CNOT6L: variants seen among roughly 807,000 people sequenced by gnomAD.
The protein encoded by CNOT6L is CCR4-NOT transcription complex subunit 6 like.
A neutral mutation model predicts 64.0 loss-of-function variants in CNOT6L; 7 were observed. The ratio of observed to expected loss-of-function variants is 0.11; its 90% confidence interval spans 0.06 to 0.21. The LOEUF is 0.21. CNOT6L is among the 10% of genes least tolerant of loss of function. The probability of loss-of-function intolerance (pLI) is 1.00; values close to 1 mark genes in which losing one functional copy is unlikely to be tolerated. For missense variants in CNOT6L, 245 were observed against 669.0 expected, an observed-to-expected ratio of 0.37 and a Z score of 6.99; for synonymous variants, 193 against 243.4, an observed-to-expected ratio of 0.79 and a Z score of 1.93.
chr4:77,781,169 A>T (rs1228675133), intron 1 of CNOT6L, among the ~76,000 whole-genome samples: 1 of 151,970 alleles, frequency 6.6e-6, no homozygotes. Context: ...ATCACACACC[A>T]GGGCCTGTCA....
chr4:77,770,249 T>C (rs1488699924), intron 4 of CNOT6L, among the ~76,000 whole-genome samples: 1 of 152,104 alleles, frequency 6.6e-6, no homozygotes, highest in Non-Finnish European at 1.5e-5. Context: ...GAAAAGGATA[T>C]AGAGAAAAAA....
chr4:77,783,543 G>A (rs140990254), intron 1 of CNOT6L, among the ~76,000 whole-genome samples: 2 of 152,166 alleles, frequency 1.3e-5, no homozygotes, highest in African/African-American at 4.8e-5. Flanking sequence ...ACAACTAAAG[G>A]GAAAATAAAA....
rs1399904658 is a variant in CNOT6L at position 77,719,376 on chromosome 4, C to G, written c.*1055G>C. On this transcript the variant is annotated 3_prime_UTR_variant, in exon 12 of 12. Transcript: ENST00000504123. ...AACTACTGCCCCAAATTTGTTCTCT[C>G]TCCCAAATCCTTTGCACTGTCATCT... is the stretch of plus-strand genomic sequence containing the variant. The G allele has an allele frequency of 1.3e-5, 2 of 152,644 alleles. No homozygotes were observed. Among genetic ancestry groups the G allele is most frequent in the Non-Finnish European group, 2.9e-5 (2 of 68,040 alleles). 9.5% of individuals were successfully genotyped at this position (152,644 alleles called of 1,614,324 possible).
chr4:77,782,641 C>CT (rs3048223), intron 1 of CNOT6L, among the ~76,000 whole-genome samples: 2,038 of 141,238 alleles, frequency 0.014, 31 homozygotes, highest in African/African-American at 0.036. Context: ...AGTGCCTAGC[C>CT]TTTTTTTTTT....
intron 1 of CNOT6L, among the ~76,000 whole-genome samples, chr4:77,778,983 C>A (rs1269449089): frequency 6.8e-6 from 1 of 146,102 alleles, no homozygotes; most frequent in Admixed American, 6.9e-5. Flanking sequence ...GAAGGCGGAG[C>A]CTGCAGTGGG....
chr4:77,799,024 C>T (rs1731194784), intron 1 of CNOT6L, among the ~76,000 whole-genome samples: 1 of 152,094 alleles, frequency 6.6e-6, no homozygotes, highest in Non-Finnish European at 1.5e-5. Flanking sequence ...ATGACCCAGA[C>T]ATTCCACTCC....
rs796165992 is a variant in CNOT6L, at chr4:77,760,725, A to ATT, written c.401-3776_401-3775dup. ...CAAAAAGACAGTAAAAGGAAAGGAA[A>ATT]TTTTTTTTTTTTTCAGACTGGAGTG... On this transcript the variant is annotated intron_variant, in intron 4 of 11. Coordinates refer to ENST00000504123, the MANE Select transcript of CNOT6L (RefSeq NM_144571.3). Among the ~76,000 whole-genome samples the ATT allele has an allele frequency of 6.0e-4, 87 of 145,850 alleles. 1 individual carries two copies. The highest frequency in any genetic ancestry group is 1.9e-3 in the African/African-American group (78 of 40,020).
chr4:77,811,272 G>A (rs765276377), intron 1 of CNOT6L, among the ~76,000 whole-genome samples: 12 of 152,260 alleles, frequency 7.9e-5, no homozygotes, highest in Admixed American at 1.3e-4. Flanking sequence ...AGAAAGGGTC[G>A]GGCGCGGTGG....
At chr4:77,806,186 G>C (rs149676242) in intron 1 of CNOT6L, among the ~76,000 whole-genome samples, 5 of 152,258 alleles carry the variant, frequency 3.3e-5, no homozygotes, top group Non-Finnish European at 7.4e-5. Flanking sequence ...AGCACTTTGG[G>C]AGGCTGAGGC....
intron 1 of CNOT6L, among the ~76,000 whole-genome samples, chr4:77,804,732 T>C (rs537506667): frequency 1.3e-5 from 2 of 152,050 alleles, no homozygotes; most frequent in African/African-American, 4.8e-5. Flanking sequence ...ATATACACTT[T>C]AAAATGGTGA....
At chr4:77,814,240 T>C (rs1362911617) in intron 1 of CNOT6L, among the ~76,000 whole-genome samples, 9 of 152,312 alleles carry the variant, frequency 5.9e-5, no homozygotes, top group African/African-American at 1.2e-4. Context: ...AGGGTGACTC[T>C]TGAAAGATAC....
intron 1 of CNOT6L, 110 bp downstream of exon 1, chr4:77,819,194 C>G (rs1276488892): frequency 1.2e-6 from 2 of 1,606,016 alleles, no homozygotes; most frequent in African/African-American, 2.7e-5. Flanking sequence ...GCCAAAGTCC[C>G]AACTCGCACA....
intron 1 of CNOT6L, among the ~76,000 whole-genome samples, chr4:77,799,643 G>A (rs1731277561): frequency 6.8e-6 from 1 of 147,840 alleles, no homozygotes; most frequent in Non-Finnish European, 1.5e-5. Context: ...GGCAGAGGTT[G>A]CAGTGAGCTG....
intron 8 of CNOT6L, among the ~76,000 whole-genome samples, chr4:77,736,482 T>C (rs1722959927): frequency 6.6e-6 from 1 of 152,230 alleles, no homozygotes; most frequent in Non-Finnish European, 1.5e-5. Flanking sequence ...ACCTTAACAA[T>C]GCTACTTCTT....
chr4:77,742,420 T>C (rs1407953851), intron 7 of CNOT6L, 125 bp from the exon 8 acceptor site: 2 of 919,928 alleles, frequency 2.2e-6, no homozygotes, highest in African/African-American at 3.3e-5. Context: ...AATATTATCT[T>C]ACTATCTTAC....
At chr4:77,778,773 G>C (rs913656342) in intron 1 of CNOT6L, among the ~76,000 whole-genome samples, 4 of 151,642 alleles carry the variant, frequency 2.6e-5, no homozygotes, top group Non-Finnish European at 5.9e-5. Context: ...GGCCGGGCAC[G>C]GTGGCTCACG....
chr4:77,783,174 A>G (rs932823957), intron 1 of CNOT6L, among the ~76,000 whole-genome samples: 12 of 146,722 alleles, frequency 8.2e-5, no homozygotes, highest in African/African-American at 3.1e-4. Context: ...AAAAAAACAC[A>G]TGTTTTATAA....
At chr4:77,775,279 G>A (rs900350571) in intron 2 of CNOT6L, among the ~76,000 whole-genome samples, 4 of 152,104 alleles carry the variant, frequency 2.6e-5, no homozygotes, top group African/African-American at 7.2e-5. Flanking sequence ...AGCTAAATGT[G>A]CAAGTAATTC....
chr4:77,818,446 T>C (rs1461209641), intron 1 of CNOT6L, among the ~76,000 whole-genome samples: 11 of 150,980 alleles, frequency 7.3e-5, no homozygotes, highest in East Asian at 5.8e-4. Flanking sequence ...GTTTGTCTAA[T>C]TAAAAAAAAA....
Sources: gnomAD v4.1 joint callset for allele counts (sites outside exome capture counted in the v4.1 genomes callset) on GRCh38, gnomAD v4.1.1 for gene constraint, MANE v1.5 for transcripts, NCBI Gene and HGNC (gene_info 2026-07-23, HGNC 2026-07-21) for gene names.